The following LRP1B variants were observed in gnomAD, a reference collection of about 807,000 sequenced individuals.
LRP1B encodes LDL receptor related protein 1B, also known as low-density lipoprotein receptor-related protein 1B.
Under a neutral mutation model 556.6 loss-of-function variants are expected in LRP1B, and 217 were observed. That is an observed-to-expected ratio of 0.39 (90% CI 0.35 to 0.44). The LOEUF is 0.44. Ranked by LOEUF, LRP1B falls within the 20% of genes least tolerant of loss-of-function variation. LRP1B has a pLI of 1.00. For missense variants in LRP1B, 5,053 were observed against 5,620.8 expected (o/e 0.90, Z 3.23); for synonymous variants, 2,047 against 1,865.8 (o/e 1.10, Z -2.50).
chr2:140,360,438 C>G (rs142144122), intron 72 of LRP1B, among the ~76,000 whole-genome samples: 4 of 151,682 alleles, frequency 2.6e-5, no homozygotes, highest in African/African-American at 7.2e-5. Context: ...TTTCCTACTA[C>G]AGCTTCCATA....
intron 3 of LRP1B, among the ~76,000 whole-genome samples, chr2:141,460,663 G>T (rs1681833149): frequency 6.6e-6 from 1 of 152,104 alleles, no homozygotes; most frequent in African/African-American, 2.4e-5. Flanking sequence ...CAATTATATG[G>T]TTATTACAGT....
intron 1 of LRP1B, among the ~76,000 whole-genome samples, chr2:141,842,624 A>C (rs1409438168): frequency 6.6e-6 from 1 of 152,154 alleles, no homozygotes; most frequent in Non-Finnish European, 1.5e-5. Flanking sequence ...ATCTTCATAA[A>C]ATGTGTCACA....
At chr2:140,477,632 G>C (rs114167119) in intron 59 of LRP1B, among the ~76,000 whole-genome samples, 2 of 152,082 alleles carry the variant, frequency 1.3e-5, no homozygotes, top group Non-Finnish European at 2.9e-5. Context: ...CAAATTTCAA[G>C]TGGTCTAACT....
chr2:141,308,711 C>T (rs1030775208), intron 3 of LRP1B, among the ~76,000 whole-genome samples: 8 of 152,052 alleles, frequency 5.3e-5, no homozygotes, highest in Admixed American at 4.6e-4. Flanking sequence ...TGTAGAGTAT[C>T]CTTCTATTTT....
In LRP1B at chr2:141,112,509, A is replaced by G. The variant is rs112043850; in HGVS notation, c.1014-50236T>C. Among the ~76,000 whole-genome samples the G allele has an allele frequency of 8.5e-3, 1,301 of 152,328 alleles. 8 individuals are homozygous for G. The highest frequency in any genetic ancestry group is 0.013 in the Non-Finnish European group (884 of 68,024). On this transcript the variant is annotated intron_variant, in intron 7 of 90. Transcript: ENST00000389484. ...ACAGGGAAAAAAATACGTTAAAATAAGCTTTGTTCAAGCACGAGTTATAAT... is the reference window on the plus strand; with the variant it reads ...ACAGGGAAAAAAATACGTTAAAATAGGCTTTGTTCAAGCACGAGTTATAAT...
At chr2:141,040,491 A>G (rs1698665581) in intron 11 of LRP1B, among the ~76,000 whole-genome samples, 1 of 152,008 alleles carries the variant, frequency 6.6e-6, no homozygotes, top group Admixed American at 6.6e-5. Flanking sequence ...ATCCTACTAT[A>G]AGGTCAGTGT....
chr2:142,037,590 A>G (rs1703926864), intron 1 of LRP1B, among the ~76,000 whole-genome samples: 1 of 151,584 alleles, frequency 6.6e-6, no homozygotes, highest in Non-Finnish European at 1.5e-5. Context: ...ATTCCTTACA[A>G]TTAAAAGATG....
chr2:140,479,293 TA>T (rs1426821930), intron 59 of LRP1B, among the ~76,000 whole-genome samples: 4 of 152,256 alleles, frequency 2.6e-5, no homozygotes, highest in Non-Finnish European at 5.9e-5. Context: ...ATGAAACCCT[TA>T]AAAATTACCT....
chr2:141,046,216 AC>A (rs1216283533), intron 11 of LRP1B, among the ~76,000 whole-genome samples: 7 of 152,148 alleles, frequency 4.6e-5, no homozygotes, highest in Non-Finnish European at 8.8e-5. Context: ...ATACCCTTGT[AC>A]TTCAAACTAC....
chr2:141,415,656 A>C (rs958425628), intron 3 of LRP1B, among the ~76,000 whole-genome samples: 3 of 152,190 alleles, frequency 2.0e-5, no homozygotes, highest in Non-Finnish European at 4.4e-5. Context: ...TAAGTATTAC[A>C]AAAAGCGCCA....
At chr2:141,534,002 T>TTC (rs368927539) in intron 2 of LRP1B, among the ~76,000 whole-genome samples, 3 of 151,606 alleles carry the variant, frequency 2.0e-5, no homozygotes, top group South Asian at 2.1e-4. Flanking sequence ...TGGTTAATGA[T>TTC]TCTCTCTCTC....
intron 1 of LRP1B, among the ~76,000 whole-genome samples, chr2:141,953,244 A>G (rs1050917679): frequency 1.6e-4 from 25 of 152,136 alleles, no homozygotes; most frequent in African/African-American, 4.6e-4. Flanking sequence ...ATTCTAAAAC[A>G]TATATGTCAC....
intron 60 of LRP1B, among the ~76,000 whole-genome samples, chr2:140,470,174 T>A (rs1410712611): frequency 1.3e-5 from 2 of 152,224 alleles, no homozygotes; most frequent in African/African-American, 4.8e-5. Flanking sequence ...TTGATTAGTT[T>A]ACAAGTGTTC....
chr2:142,004,987 A>G (rs528374923), intron 1 of LRP1B, among the ~76,000 whole-genome samples: 3 of 148,870 alleles, frequency 2.0e-5, no homozygotes, highest in African/African-American at 7.3e-5. Flanking sequence ...TTAGTATTAT[A>G]GATACTATAT....
intron 16 of LRP1B, among the ~76,000 whole-genome samples, chr2:140,990,034 T>C (rs911191575): frequency 5.3e-5 from 8 of 151,974 alleles, no homozygotes; most frequent in African/African-American, 1.7e-4. Flanking sequence ...GGTGAAACCC[T>C]GTTTCTACTA....
At position 140,409,914 on chromosome 2, in the gene LRP1B, C is replaced by T. The variant is rs1558862996; in HGVS notation, c.10415-23905G>A. Among the ~76,000 whole-genome samples, 4 of 151,968 alleles carry T rather than the reference C, an allele frequency of 2.6e-5. No individual in the cohort carries two copies. The South Asian group carries it at 8.3e-4, about 32-fold the overall frequency. On this transcript the variant is annotated intron_variant, in intron 66 of 90. Coordinates refer to ENST00000389484, the MANE Select transcript of LRP1B (RefSeq NM_018557.3). ...TTCTTTTATCATTTTACACTAAGAC[C>T]TCAGTTTTATAGACTCTAAGAGATG...
In LRP1B at chr2:141,480,482, C is replaced by A. The variant is rs2105090153; in HGVS notation, c.257G>T (p.Gly86Val). The part of the protein sequence containing the change: ...KCPLNHIACL[G>V]TNKCVHLSQL... ...GGATAAATGAACACATTTGTTGGTA[C>A]CAAGGCAAGCAATGTGATTCAAGGG... is the stretch of plus-strand genomic sequence containing the variant. Residue 86 changes from glycine (G) to valine (V), a missense_variant, in exon 3 of 91, where the codon GGT becomes GTT. Gly to Val is a moderately radical substitution (Grantham distance 109, BLOSUM62 -3). This residue lies in a region of LRP1B where 3,619 missense variants were observed against 3,931.9 expected (regional missense o/e 0.92). Transcript: ENST00000389484. 2 of 1,613,940 alleles carry A rather than the reference C, an allele frequency of 1.2e-6. No individual in the cohort carries two copies. Among genetic ancestry groups the A allele is most frequent in the Non-Finnish European group, 1.7e-6 (2 of 1,179,924 alleles).
At chr2:141,472,586 G>A (rs932882359) in intron 3 of LRP1B, among the ~76,000 whole-genome samples, 18 of 151,984 alleles carry the variant, frequency 1.2e-4, no homozygotes, top group Admixed American at 6.6e-5. Context: ...TGAAAATAGA[G>A]TATATTGCAG....
chr2:142,130,652 G>C lies in LRP1B; in HGVS notation c.78C>G (p.Asp26Glu), dbSNP rs199682517. The change falls in exon 1 of 91, where the codon GAC becomes GAG. Residue 26 changes from aspartate (D) to glutamate (E), a missense_variant. Physicochemically the swap from Asp to Glu is conservative, Grantham distance 45 (BLOSUM62 2). Around this residue, in one of 5 missense-constraint regions of LRP1B, gnomAD observed 3,619 missense variants for 3,931.9 expected, o/e 0.92. Coordinates refer to ENST00000389484, the MANE Select transcript of LRP1B (RefSeq NM_018557.3). Reference sequence around the variant, plus strand: ...GCGGGGAGGTGTTCTCCTTACCTCGGTCGGCTCCCACGGTCAGCACCCTGG... The same window carrying C: ...GCGGGGAGGTGTTCTCCTTACCTCGCTCGGCTCCCACGGTCAGCACCCTGG... ...PIARVLTVGA[D>E]RDQQLCDPGE... is the part of the protein sequence containing the mutation. 46 of 1,611,180 alleles carry C rather than the reference G, an allele frequency of 2.9e-5. No homozygotes were observed. The highest frequency in any genetic ancestry group is 3.9e-5 in the Non-Finnish European group (46 of 1,178,254).
Sources: allele counts gnomAD v4.1 joint callset (sites outside exome capture counted in the v4.1 genomes callset), GRCh38; gene constraint gnomAD v4.1.1; regional missense constraint gnomAD v4.1.1; transcripts MANE v1.5; gene names NCBI Gene and HGNC (gene_info 2026-07-23, HGNC 2026-07-21).